The following BIRC6 variants were observed in gnomAD, a reference collection of about 807,000 sequenced individuals.
BIRC6 encodes the protein dual E2 ubiquitin-conjugating enzyme/E3 ubiquitin-protein ligase BIRC6.
In BIRC6, 98 loss-of-function variants were observed where a neutral mutation model predicts 503.3. The ratio of observed to expected loss-of-function variants is 0.19; its 90% confidence interval spans 0.17 to 0.23. The LOEUF is 0.23. BIRC6 is among the 10% of genes least tolerant of loss of function. BIRC6 has a pLI of 1.00. For synonymous variants in BIRC6, 2,240 were observed against 2,078.7 expected (o/e 1.08, Z -2.11); for missense variants, 5,360 against 5,806.0 (o/e 0.92, Z 2.50).
At chr2:32,474,759 A>G (rs1441010771) in intron 33 of BIRC6, among the ~76,000 whole-genome samples, 3 of 152,200 alleles carry the variant, frequency 2.0e-5, no homozygotes, top group Non-Finnish European at 4.4e-5. Context: ...GCATACGTTA[A>G]TGGTAGAACT....
At chr2:32,371,535 C>T (rs143558940) in intron 1 of BIRC6, among the ~76,000 whole-genome samples, 2,458 of 151,768 alleles carry the variant, frequency 0.016, 50 homozygotes, top group African/African-American at 0.057. Context: ...CCGCCATGCC[C>T]GGCTAATTTT....
In BIRC6 at chr2:32,597,693, T is replaced by C. The variant is rs193008592; in HGVS notation, c.13613-58T>C. The C allele has an allele frequency of 5.4e-6, 7 of 1,293,350 alleles. No individual in the cohort carries two copies. In the Admixed American group the frequency reaches 9.7e-5, roughly 18 times the overall value. 80.1% of individuals were successfully genotyped at this position (1,293,350 alleles called of 1,614,324 possible). A position where few individuals can be genotyped will look rare whatever the true frequency, so the allele number is the denominator to read the frequency against. ...AGAAGGACTAGTGATTGTTTGTGATTTTTGTCATTATAACAATTTTTTGCA... is the reference window on the plus strand; with the variant it reads ...AGAAGGACTAGTGATTGTTTGTGATCTTTGTCATTATAACAATTTTTTGCA... On this transcript the variant is annotated intron_variant, in intron 68 of 73. Coordinates refer to ENST00000421745, the MANE Select transcript of BIRC6 (RefSeq NM_016252.4).
intron 6 of BIRC6, among the ~76,000 whole-genome samples, chr2:32,399,331 C>T (rs1476226850): frequency 6.6e-6 from 1 of 152,192 alleles, no homozygotes; most frequent in East Asian, 1.9e-4. Context: ...AGTGATGCAC[C>T]CATCTCAGCC....
At chr2:32,418,688 T>G (rs1023952110) in intron 10 of BIRC6, among the ~76,000 whole-genome samples, 3 of 152,244 alleles carry the variant, frequency 2.0e-5, no homozygotes, top group African/African-American at 7.2e-5. Context: ...ATAAGGGTTT[T>G]TAATGCTTTC....
intron 65 of BIRC6, among the ~76,000 whole-genome samples, chr2:32,559,964 C>T (rs1407371694): frequency 1.3e-5 from 2 of 151,972 alleles, no homozygotes; most frequent in Non-Finnish European, 2.9e-5. Flanking sequence ...TGCAGTGAGC[C>T]GAGATCACGC....
chr2:32,540,298 A>G (rs2150211348), intron 61 of BIRC6, among the ~76,000 whole-genome samples: 1 of 152,212 alleles, frequency 6.6e-6, no homozygotes, highest in South Asian at 2.1e-4. Context: ...GTTTGCTGTG[A>G]CATATAATGA....
At position 32,473,228 on chromosome 2, in the gene BIRC6, C is replaced by G; in HGVS notation, c.6709C>G (p.His2237Asp). The stretch of plus-strand genomic sequence containing the variant: ...CAGAAAAATCAGAAAGCAGCTTGTT[C>G]ATCATAAACAGGTAATTGTCAATAT... ...YSRKIRKQLVHHKQQLNLLKA... is the reference protein window; with the variant it reads ...YSRKIRKQLVDHKQQLNLLKA... Residue 2237 changes from histidine (H) to aspartate (D), a missense_variant, in exon 33 of 74, where the codon CAT becomes GAT. Physicochemically the swap from His to Asp is moderately conservative, Grantham distance 81. This residue lies in a region of BIRC6 where 2,299 missense variants were observed against 2,267.2 expected (regional missense o/e 1.01). Coordinates refer to ENST00000421745, the MANE Select transcript of BIRC6 (RefSeq NM_016252.4). 1 of 1,536,614 alleles carries G rather than the reference C, an allele frequency of 6.5e-7. No homozygotes were observed. Among genetic ancestry groups the G allele is most frequent in the Non-Finnish European group, 8.8e-7 (1 of 1,141,316 alleles).
chr2:32,486,397 G>T (rs1572558705), intron 40 of BIRC6, among the ~76,000 whole-genome samples: 1 of 152,302 alleles, frequency 6.6e-6, no homozygotes, highest in South Asian at 2.1e-4. Context: ...CAAGAAACAG[G>T]TAGCCTGCCA....
At position 32,518,279 on chromosome 2, in the gene BIRC6, C is replaced by G. The variant is rs759241574; in HGVS notation, c.11375C>G (p.Ser3792Cys). Residue 3792 changes from serine to cysteine, a missense_variant, in exon 56 of 74, where the codon TCT becomes TGT. Physicochemically the swap from Ser to Cys is moderately radical, Grantham distance 112 (BLOSUM62 -1). This residue lies in a region of BIRC6 where 878 missense variants were observed against 928.9 expected (regional missense o/e 0.95). Transcript: ENST00000421745. Reference sequence around the variant, plus strand: ...GTTCTTTGTGAACTATTTCAGACATCTCCTCAAAGAGGGAACCTTCCAACA... The same window carrying G: ...GTTCTTTGTGAACTATTTCAGACATGTCCTCAAAGAGGGAACCTTCCAACA... ...AQVLCELFQT[S>C]PQRGNLPTSG... 1.9e-6 allele frequency: 3 copies of G among 1,612,780 alleles called. No individual in the cohort carries two copies. Among genetic ancestry groups the G allele is most frequent in the Non-Finnish European group, 2.5e-6 (3 of 1,179,370 alleles).
chr2:32,374,051 GA>G (rs796721141), intron 1 of BIRC6, among the ~76,000 whole-genome samples: 29 of 152,300 alleles, frequency 1.9e-4, no homozygotes, highest in Admixed American at 5.2e-4. Flanking sequence ...GCTTTGGGGA[GA>G]GGGGATAAAA....
chr2:32,432,629 A>G (rs1462830120), intron 12 of BIRC6, among the ~76,000 whole-genome samples: 2 of 151,764 alleles, frequency 1.3e-5, no homozygotes, highest in Admixed American at 6.6e-5. Context: ...ACATGGTGGT[A>G]TGTGCCTGTG....
intron 1 of BIRC6, among the ~76,000 whole-genome samples, chr2:32,358,717 CA>C (rs1007682488): frequency 6.6e-6 from 1 of 152,134 alleles, no homozygotes; most frequent in African/African-American, 2.4e-5. Context: ...TGAAATTAGA[CA>C]TGTTAATTAT....
chr2:32,473,355 G>GA (rs2049316663), intron 33 of BIRC6, 116 bp downstream of exon 33: 1 of 799,110 alleles, frequency 1.3e-6, no homozygotes, highest in African/African-American at 1.8e-5. Context: ...CTTAGCTTAG[G>GA]AAAATCATCT....
chr2:32,493,142 C>A (rs534814711), intron 44 of BIRC6, among the ~76,000 whole-genome samples: 1 of 151,506 alleles, frequency 6.6e-6, no homozygotes, highest in African/African-American at 2.4e-5. Flanking sequence ...ATCATTTTAC[C>A]TCTCTGCTCC....
chr2:32,528,314 C>T (rs113891611), intron 59 of BIRC6: 1,710 of 152,218 alleles, frequency 0.011, 13 homozygotes, highest in Non-Finnish European at 0.017. Flanking sequence ...ACCTCCGCCT[C>T]CTGGGTTCAA....
At position 32,499,925 on chromosome 2, in the gene BIRC6, T is replaced by C. The variant is rs1459574509; in HGVS notation, c.8847T>C (p.Asn2949=). 1 of 1,613,890 alleles carries C rather than the reference T, an allele frequency of 6.2e-7. No homozygotes were observed. The highest frequency in any genetic ancestry group is 8.5e-7 in the Non-Finnish European group (1 of 1,179,898). Residue 2949 remains asparagine (N), a synonymous_variant, in exon 46 of 74, where the codon AAT becomes AAC. Coordinates refer to ENST00000421745, the MANE Select transcript of BIRC6 (RefSeq NM_016252.4). Reference sequence around the variant, plus strand: ...GTGCAAGAGTGTCTGTGACCACAAATACAACAGATAGTGTTTCAGATGAAG... The same window carrying C: ...GTGCAAGAGTGTCTGTGACCACAAACACAACAGATAGTGTTTCAGATGAAG... ...EYSARVSVTT[N]TTDSVSDEEK...
intron 66 of BIRC6, among the ~76,000 whole-genome samples, chr2:32,592,091 A>C (rs1324184592): frequency 6.6e-6 from 1 of 152,236 alleles, no homozygotes; most frequent in Non-Finnish European, 1.5e-5. Context: ...AAATTCTCTG[A>C]TATTTCAGTC....
chr2:32,533,081 A>G (rs562651736), intron 61 of BIRC6, among the ~76,000 whole-genome samples: 9 of 152,210 alleles, frequency 5.9e-5, no homozygotes, highest in Non-Finnish European at 1.3e-4. Context: ...ATCATAGGGG[A>G]GAAAACCTAC....
chr2:32,519,042 GCAA>G, intron 57 of BIRC6, 96 bp downstream of exon 57: 2 of 1,235,664 alleles, frequency 1.6e-6, no homozygotes, highest in Non-Finnish European at 2.2e-6. Context: ...CATCCACTTT[GCAA>G]CCATTGATGA....
Sources: gnomAD v4.1 joint callset for allele counts (sites outside exome capture counted in the v4.1 genomes callset) on GRCh38, gnomAD v4.1.1 for gene constraint, gnomAD v4.1.1 regional missense constraint, MANE v1.5 for transcripts, NCBI Gene and HGNC (gene_info 2026-07-23, HGNC 2026-07-21) for gene names.